COPB1: variants seen among roughly 807,000 people sequenced by gnomAD.
The protein encoded by COPB1 is coat protein complex I subunit beta 1.
In COPB1, 21 loss-of-function variants were observed where a neutral mutation model predicts 108.7. The observed-to-expected ratio is 0.19, with a 90% CI of 0.14 to 0.28. COPB1 has a LOEUF of 0.28. Among genes scored for constraint, COPB1 ranks in the 10% least tolerant of loss-of-function variants. COPB1 has a pLI of 1.00. For synonymous variants in COPB1, 378 were observed against 386.8 expected, an observed-to-expected ratio of 0.98 and a Z score of 0.27; for missense variants, 919 against 1,141.3, an observed-to-expected ratio of 0.81 and a Z score of 2.81.
intron 2 of COPB1, among the ~76,000 whole-genome samples, chr11:14,497,751 T>A (rs1851056619): frequency 6.6e-6 from 1 of 152,200 alleles, no homozygotes; most frequent in Non-Finnish European, 1.5e-5. Flanking sequence ...CTATGTTTGT[T>A]GCAGCACTGT....
At chr11:14,458,466 TAA>T in intron 21 of COPB1, 64 bp downstream of exon 21, 2 of 1,459,906 alleles carry the variant, frequency 1.4e-6, no homozygotes, top group South Asian at 2.8e-5. Context: ...ATAGAAATAA[TAA>T]AGTCATAAAT....
At chr11:14,477,389 C>CAAAAAACAAAAAAAAAAAAAA in intron 11 of COPB1, among the ~76,000 whole-genome samples, 1 of 73,312 alleles carries the variant, frequency 1.4e-5, no homozygotes, top group Non-Finnish European at 2.5e-5. Context: ...GACTCCGTCT[C>CAAAAAACAAAAAAAAAAAAAA]AAAAAAAAAA....
chr11:14,463,731 T>C (rs756485273), intron 18 of COPB1, among the ~76,000 whole-genome samples: 5 of 152,236 alleles, frequency 3.3e-5, no homozygotes, highest in Non-Finnish European at 7.3e-5. Flanking sequence ...ATTATGTCTC[T>C]CTAAAGTTTG....
intron 17 of COPB1, among the ~76,000 whole-genome samples, chr11:14,465,457 T>C (rs896491273): frequency 2.7e-4 from 41 of 152,272 alleles, no homozygotes; most frequent in Admixed American, 1.9e-3. Flanking sequence ...CTCAGCCTCC[T>C]GAGTCGCTGG....
Position 14,498,890 on chromosome 11 carries a change from G to A in COPB1, c.39C>T (p.Asn13=). The A allele has an allele frequency of 6.2e-7, 1 of 1,609,952 alleles. No individual in the cohort carries two copies. The change falls in exon 2 of 22, where the codon AAC becomes AAT. Residue 13 remains asparagine, a synonymous_variant. Coordinates refer to ENST00000439561, the MANE Select transcript of COPB1 (RefSeq NM_001144061.2). ...ATGGTGGTTCTGAATCCATTGGCACGTTAATTAACGTGTAGCATACGTTCT... is the reference window on the plus strand; with the variant it reads ...ATGGTGGTTCTGAATCCATTGGCACATTAATTAACGTGTAGCATACGTTCT... The part of the protein sequence containing the change: ...AAENVCYTLI[N]VPMDSEPPSE...
chr11:14,494,391 A>G lies in COPB1; in HGVS notation c.140T>C (p.Ile47Thr), dbSNP rs1181362499. 2 of 1,611,836 alleles carry G rather than the reference A, an allele frequency of 1.2e-6. No homozygotes were observed. Among genetic ancestry groups the G allele is most frequent in the Non-Finnish European group, 1.7e-6 (2 of 1,178,554 alleles). The change falls in exon 3 of 22, where the codon ATT (isoleucine) becomes ACT (threonine). Residue 47 changes from isoleucine to threonine, a missense_variant. This residue lies in a region of COPB1 where 92 missense variants were observed against 108.4 expected (regional missense o/e 0.85). Coordinates refer to ENST00000439561, the MANE Select transcript of COPB1 (RefSeq NM_001144061.2). ...AAGTTTTTCACCATTCAGAATCATA[A>G]TGATTACTTTCTTCAAAGCTTCAGT... ...SKTEALKKVI[I>T]MILNGEKLPG...
chr11:14,457,956 G>T, intron 21 of COPB1, 73 bp from the exon 22 acceptor site: 2 of 864,600 alleles, frequency 2.3e-6, no homozygotes, highest in Non-Finnish European at 1.7e-6. Context: ...ATATTATTAA[G>T]CCCCAATTCA....
intron 15 of COPB1, 116 bp from the exon 16 acceptor site, chr11:14,468,976 A>C (rs953156414): frequency 3.4e-6 from 3 of 870,984 alleles, no homozygotes; most frequent in African/African-American, 3.4e-5. Context: ...ACAACAAGAA[A>C]ACCCACAAAG....
chr11:14,461,092 C>G, intron 19 of COPB1, 94 bp downstream of exon 19: 2 of 1,504,420 alleles, frequency 1.3e-6, no homozygotes, highest in South Asian at 1.2e-5. Context: ...ATGTTAAACA[C>G]TTTTTAGCGA....
intron 20 of COPB1, chr11:14,459,949 G>A (rs1253132937): frequency 1.0e-5 from 3 of 289,682 alleles, no homozygotes; most frequent in Non-Finnish European, 1.9e-5. Flanking sequence ...CTAGCTGAAT[G>A]GGGGAGAAGA....
At chr11:14,473,739 C>T (rs1204603601) in intron 14 of COPB1, among the ~76,000 whole-genome samples, 1 of 151,158 alleles carries the variant, frequency 6.6e-6, no homozygotes, top group African/African-American at 2.4e-5. Flanking sequence ...GTGAGAATTA[C>T]CAAAATGTAA....
intron 17 of COPB1, 32 bp from the exon 18 acceptor site, chr11:14,465,062 TAC>T (rs3835110): frequency 0.072 from 79,125 of 1,098,906 alleles, 3,309 homozygotes; most frequent in Admixed American, 0.088. Flanking sequence ...TGGTTAAAAA[TAC>T]ACACACACAC....
At chr11:14,492,063 T>C (rs1850916753) in intron 4 of COPB1, among the ~76,000 whole-genome samples, 1 of 152,220 alleles carries the variant, frequency 6.6e-6, no homozygotes, top group East Asian at 1.9e-4. Context: ...CCTCTTGCCA[T>C]ATTATTTTGA....
At chr11:14,475,073 G>A (rs10832278) in intron 13 of COPB1, among the ~76,000 whole-genome samples, 45,766 of 128,624 alleles carry the variant, frequency 0.36, 8,508 homozygotes, top group Middle Eastern at 0.5. Context: ...TAGCGTGGCC[G>A]ACAGAGCAAG....
chr11:14,472,078 C>T (rs563854721), intron 14 of COPB1, among the ~76,000 whole-genome samples: 3 of 152,266 alleles, frequency 2.0e-5, no homozygotes, highest in African/African-American at 7.2e-5. Flanking sequence ...TTGCTACAGG[C>T]CCAATTTGAA....
intron 8 of COPB1, 39 bp from the exon 9 acceptor site, chr11:14,481,136 T>G (rs1850651824): frequency 6.7e-7 from 1 of 1,499,644 alleles, no homozygotes; most frequent in African/African-American, 1.4e-5. Context: ...ACACCAATCT[T>G]TCTGGTCACA....
chr11:14,479,845 C>T, intron 10 of COPB1, 131 bp from the exon 11 acceptor site: 1 of 903,940 alleles, frequency 1.1e-6, no homozygotes. Context: ...GCTTTGCTGC[C>T]CAGGCTAGAG....
chr11:14,497,165 C>G (rs1242678944), intron 2 of COPB1, among the ~76,000 whole-genome samples: 3 of 152,098 alleles, frequency 2.0e-5, no homozygotes, highest in African/African-American at 7.2e-5. Context: ...CAGGCACAGG[C>G]AACCAAAGCA....
chr11:14,472,139 A>G (rs2134104311), intron 14 of COPB1, among the ~76,000 whole-genome samples: 1 of 152,324 alleles, frequency 6.6e-6, no homozygotes, highest in Admixed American at 6.5e-5. Context: ...CGCTACTACC[A>G]CAAATGTTCT....
Sources: gnomAD v4.1 joint callset for allele counts (sites outside exome capture counted in the v4.1 genomes callset) on GRCh38, gnomAD v4.1.1 for gene constraint, gnomAD v4.1.1 regional missense constraint, MANE v1.5 for transcripts, NCBI Gene and HGNC (gene_info 2026-07-23, HGNC 2026-07-21) for gene names.